SLMAP: variants seen among roughly 807,000 people sequenced by gnomAD.
The protein encoded by SLMAP is sarcolemma associated protein, also known as sarcolemmal membrane-associated protein.
In SLMAP, 44 loss-of-function variants were observed where a neutral mutation model predicts 128.8. The observed-to-expected ratio is 0.34, with a 90% CI of 0.27 to 0.44. The LOEUF is 0.44. SLMAP is among the 20% of genes least tolerant of loss of function. The probability of loss-of-function intolerance (pLI) is 1.00; values close to 1 mark genes in which losing one functional copy is unlikely to be tolerated. For missense variants in SLMAP, 787 were observed against 985.3 expected, an observed-to-expected ratio of 0.80 and a Z score of 2.69; for synonymous variants, 327 against 348.8, an observed-to-expected ratio of 0.94 and a Z score of 0.70.
chr3:57,825,908 G>T (rs1430172118), intron 2 of SLMAP, among the ~76,000 whole-genome samples: 5 of 152,108 alleles, frequency 3.3e-5, no homozygotes, highest in African/African-American at 2.4e-5. Flanking sequence ...TTACTTGGGT[G>T]CTGTAAACCT....
chr3:57,925,742 A>G (rs1409340265), intron 23 of SLMAP, 103 bp from the exon 24 acceptor site: 2 of 752,576 alleles, frequency 2.7e-6, no homozygotes, highest in Non-Finnish European at 4.6e-6. Flanking sequence ...TACTTCTATT[A>G]TTTCATTCTT....
In SLMAP at chr3:57,928,274, T is replaced by C. The variant is rs2097038343; in HGVS notation, c.*985T>C. The stretch of plus-strand genomic sequence containing the variant: ...ATTTTAGGAAGCATGATTTTTTTTT[T>C]CTATCATCTATTCCTCCAAGCATGT... On this transcript the variant is annotated 3_prime_UTR_variant, in exon 25 of 25. Transcript: ENST00000671191. The C allele has an allele frequency of 6.6e-6, 1 of 152,272 alleles. No homozygotes were observed. Among genetic ancestry groups the C allele is most frequent in the African/African-American group, 2.4e-5 (1 of 41,436 alleles). 9.4% of individuals were successfully genotyped at this position (152,272 alleles called of 1,614,324 possible).
chr3:57,862,959 G>C (rs114682514), intron 10 of SLMAP, among the ~76,000 whole-genome samples: 1,925 of 152,274 alleles, frequency 0.013, 27 homozygotes, highest in African/African-American at 0.044. Flanking sequence ...TGAATATGTA[G>C]TCAGTGCTTC....
intron 6 of SLMAP, among the ~76,000 whole-genome samples, chr3:57,853,632 A>G (rs1054073119): frequency 2.6e-5 from 4 of 151,958 alleles, no homozygotes; most frequent in Non-Finnish European, 4.4e-5. Context: ...TTGTACACCA[A>G]TGTCTTTCTC....
intron 23 of SLMAP, among the ~76,000 whole-genome samples, chr3:57,923,762 A>T (rs2096955973): frequency 6.6e-6 from 1 of 152,176 alleles, no homozygotes; most frequent in South Asian, 2.1e-4. Context: ...CTTCCTATGG[A>T]GGAAGCCACT....
intron 17 of SLMAP, 44 bp downstream of exon 17, chr3:57,896,976 A>G: frequency 6.2e-7 from 1 of 1,611,384 alleles, no homozygotes; most frequent in Non-Finnish European, 8.5e-7. Flanking sequence ...AGGGTATCAA[A>G]TCACCCTTTG....
intron 6 of SLMAP, among the ~76,000 whole-genome samples, chr3:57,850,276 CTT>C (rs776549167): frequency 7.9e-5 from 12 of 152,100 alleles, no homozygotes; most frequent in Non-Finnish European, 1.6e-4. Context: ...GAAATACTGT[CTT>C]TTCAAAAAAG....
chr3:57,857,226 C>G (rs9878303), intron 6 of SLMAP, among the ~76,000 whole-genome samples: 47,494 of 151,898 alleles, frequency 0.31, 7,794 homozygotes, highest in East Asian at 0.48. Context: ...TACTTTCAGC[C>G]CAACAAATGA....
chr3:57,854,620 C>T (rs1480043422), intron 6 of SLMAP, among the ~76,000 whole-genome samples: 3 of 151,972 alleles, frequency 2.0e-5, no homozygotes, highest in South Asian at 2.1e-4. Context: ...AAAATGTATA[C>T]GTTTATATAA....
intron 13 of SLMAP, among the ~76,000 whole-genome samples, chr3:57,871,052 T>C (rs2095469466): frequency 6.6e-6 from 1 of 152,220 alleles, no homozygotes. Flanking sequence ...TTGAAATGAA[T>C]AGGCACTGAT....
chr3:57,857,679 T>C (rs1427386373), intron 6 of SLMAP, 54 bp from the exon 7 acceptor site: 1 of 1,201,198 alleles, frequency 8.3e-7, no homozygotes, highest in East Asian at 2.3e-5. Flanking sequence ...TGATCACTCC[T>C]CAAAAGAATC....
At chr3:57,897,007 ATT>A (rs1472125414) in intron 17 of SLMAP, 75 bp downstream of exon 17, 3 of 1,586,138 alleles carry the variant, frequency 1.9e-6, no homozygotes, top group Non-Finnish European at 2.6e-6. Flanking sequence ...TGTTCTAGAT[ATT>A]ATGTGAAGTT....
chr3:57,775,509 C>CAAAAAA (rs1009755128), intron 2 of SLMAP, among the ~76,000 whole-genome samples: 1 of 21,180 alleles, frequency 4.7e-5, no homozygotes, highest in African/African-American at 1.1e-4. Context: ...CCTGTTGGTA[C>CAAAAAA]AAAAAAAAAA....
At chr3:57,821,864 GTT>G (rs908052844) in intron 2 of SLMAP, among the ~76,000 whole-genome samples, 3 of 151,688 alleles carry the variant, frequency 2.0e-5, no homozygotes, top group African/African-American at 7.3e-5. Context: ...TTTGGTTTTT[GTT>G]ACCCTCTGGG....
At chr3:57,908,867 C>T (rs980856917) in intron 18 of SLMAP, among the ~76,000 whole-genome samples, 7 of 152,156 alleles carry the variant, frequency 4.6e-5, no homozygotes, top group African/African-American at 1.7e-4. Context: ...AACTCCACTA[C>T]TCAGTTGAAT....
chr3:57,839,780 A>G (rs1183769608), intron 3 of SLMAP, among the ~76,000 whole-genome samples: 1 of 152,024 alleles, frequency 6.6e-6, no homozygotes, highest in Non-Finnish European at 1.5e-5. Flanking sequence ...GCTGGTCTTG[A>G]ACTCCTGACC....
rs559447894 is a variant in SLMAP at position 57,758,369 on chromosome 3, TG to T, written c.198+521del. ...ATTTTTGAAAGGTTTGATACATACT[TG>T]CCCTTGGAGGAGTAATTTGCAATAA... On this transcript the variant is annotated intron_variant, in intron 2 of 24. Coordinates refer to ENST00000671191, the MANE Select transcript of SLMAP (RefSeq NM_001377540.1). 6.6e-5 allele frequency among the ~76,000 whole-genome samples: 10 copies of T among 152,372 alleles called. No homozygotes were observed. In the South Asian group the frequency reaches 1.2e-3, roughly 19 times the overall value.
intron 2 of SLMAP, among the ~76,000 whole-genome samples, chr3:57,762,212 C>G (rs1239879038): frequency 1.3e-5 from 2 of 151,362 alleles, no homozygotes; most frequent in Non-Finnish European, 2.9e-5. Context: ...ACGAAAAATA[C>G]AAAAAATTAG....
intron 2 of SLMAP, 87 bp from the exon 3 acceptor site, chr3:57,831,296 C>T: frequency 1.0e-6 from 1 of 987,944 alleles, no homozygotes; most frequent in Non-Finnish European, 1.4e-6. Context: ...CAATAGTTGG[C>T]AAAGCTGGAA....
Sources: gnomAD v4.1 joint callset for allele counts (sites outside exome capture counted in the v4.1 genomes callset) on GRCh38, gnomAD v4.1.1 for gene constraint, MANE v1.5 for transcripts, NCBI Gene and HGNC (gene_info 2026-07-23, HGNC 2026-07-21) for gene names.